The following CHMP4C variants were observed in gnomAD, a reference collection of about 807,000 sequenced individuals.
The protein encoded by CHMP4C is SNF7 homolog associated with Alix 3.
Under a neutral mutation model 29.0 loss-of-function variants are expected in CHMP4C, and 28 were observed. That is an observed-to-expected ratio of 0.97 (90% CI 0.72 to 1.32). CHMP4C has a LOEUF of 1.32. Ranked by LOEUF, CHMP4C falls within the 40% of genes most tolerant of loss-of-function variation. The probability of loss-of-function intolerance (pLI) is 0.00; values close to 1 mark genes in which losing one functional copy is unlikely to be tolerated. For synonymous variants in CHMP4C, 106 were observed against 102.4 expected (o/e 1.04, Z -0.21); for missense variants, 291 against 281.0 (o/e 1.04, Z -0.25).
Position 81,734,566 on chromosome 8 carries a change from G to A in CHMP4C, c.190+1750G>A, listed in dbSNP as rs183421254. Among the ~76,000 whole-genome samples, 41 of 152,280 alleles carry A rather than the reference G, an allele frequency of 2.7e-4. No homozygotes were observed. The East Asian group carries it at 6.6e-3, about 24-fold the overall frequency. The stretch of plus-strand genomic sequence containing the variant: ...ACTGGTCTCGAACTCCTGACCTCAG[G>A]TGATCCACCTGCCTTGGCCTCCCAA... On this transcript the variant is annotated intron_variant, in intron 1 of 4. Transcript: ENST00000297265.
intron 1 of CHMP4C, among the ~76,000 whole-genome samples, chr8:81,746,642 C>G (rs17706460): frequency 0.035 from 5,291 of 152,318 alleles, 147 homozygotes; most frequent in Non-Finnish European, 0.055. Context: ...GTTTGGGACT[C>G]TGGTTGGGCC....
intron 1 of CHMP4C, among the ~76,000 whole-genome samples, chr8:81,750,517 G>A (rs1189766806): frequency 6.6e-6 from 1 of 151,984 alleles, no homozygotes; most frequent in Non-Finnish European, 1.5e-5. Context: ...AAGGCAGGAG[G>A]ATTGCTTGAG....
intron 1 of CHMP4C, among the ~76,000 whole-genome samples, chr8:81,734,863 A>G (rs1808666973): frequency 6.6e-6 from 1 of 152,128 alleles, no homozygotes; most frequent in African/African-American, 2.4e-5. Flanking sequence ...CCTTAAATCA[A>G]GAAAGTTATA....
At chr8:81,739,425 G>GGT (rs1203850438) in intron 1 of CHMP4C, among the ~76,000 whole-genome samples, 1 of 140,150 alleles carries the variant, frequency 7.1e-6, no homozygotes, top group Non-Finnish European at 1.5e-5. Context: ...TTGTGGGGGG[G>GGT]GGTGGAAAAA....
At chr8:81,748,673 C>T (rs1808860446) in intron 1 of CHMP4C, among the ~76,000 whole-genome samples, 1 of 151,970 alleles carries the variant, frequency 6.6e-6, no homozygotes, top group Non-Finnish European at 1.5e-5. Flanking sequence ...TGTGATGGCT[C>T]ACACCTGTAA....
At chr8:81,752,527 C>T (rs978570513) in intron 1 of CHMP4C, among the ~76,000 whole-genome samples, 1 of 152,116 alleles carries the variant, frequency 6.6e-6, no homozygotes, top group Non-Finnish European at 1.5e-5. Flanking sequence ...TTAGATGTAA[C>T]CTCAATAGCC....
At chr8:81,739,424 G>GGA (rs564952493) in intron 1 of CHMP4C, among the ~76,000 whole-genome samples, 1 of 140,192 alleles carries the variant, frequency 7.1e-6, no homozygotes, top group Non-Finnish European at 1.6e-5. Flanking sequence ...ATTGTGGGGG[G>GGA]GGGTGGAAAA....
chr8:81,743,032 T>C (rs1394333770), intron 1 of CHMP4C, among the ~76,000 whole-genome samples: 1 of 151,964 alleles, frequency 6.6e-6, no homozygotes, highest in Non-Finnish European at 1.5e-5. Context: ...GAGCTATATA[T>C]TTTTTAAGAT....
At chr8:81,740,556 C>A (rs1163051400) in intron 1 of CHMP4C, among the ~76,000 whole-genome samples, 1 of 152,092 alleles carries the variant, frequency 6.6e-6, no homozygotes, top group East Asian at 1.9e-4. Context: ...AGGCATAATC[C>A]CAGTTTGACA....
chr8:81,745,656 A>G (rs1418119471), intron 1 of CHMP4C, among the ~76,000 whole-genome samples: 2 of 152,166 alleles, frequency 1.3e-5, no homozygotes, highest in Non-Finnish European at 2.9e-5. Context: ...TCCAATCCCC[A>G]ATGGGCTGCA....
intron 1 of CHMP4C, among the ~76,000 whole-genome samples, chr8:81,733,131 A>G (rs59581525): frequency 0.062 from 9,392 of 152,216 alleles, 423 homozygotes; most frequent in African/African-American, 0.13. Context: ...AATAAAGACA[A>G]GATTGGTATT....
chr8:81,738,256 A>T (rs1246453928), intron 1 of CHMP4C, among the ~76,000 whole-genome samples: 1 of 152,208 alleles, frequency 6.6e-6, no homozygotes, highest in Non-Finnish European at 1.5e-5. Flanking sequence ...AAGGGTTGAG[A>T]TGGAGAGAAA....
At chr8:81,749,103 A>G (rs1808866238) in intron 1 of CHMP4C, among the ~76,000 whole-genome samples, 1 of 152,124 alleles carries the variant, frequency 6.6e-6, no homozygotes, top group African/African-American at 2.4e-5. Flanking sequence ...AGAACAGCAA[A>G]CTAAAGCTTA....
intron 1 of CHMP4C, among the ~76,000 whole-genome samples, chr8:81,741,730 T>G (rs1207770024): frequency 6.6e-6 from 1 of 152,170 alleles, no homozygotes; most frequent in African/African-American, 2.4e-5. Context: ...ACAGATGATA[T>G]TGTTGATTTA....
intron 1 of CHMP4C, among the ~76,000 whole-genome samples, chr8:81,743,664 T>C (rs962091779): frequency 1.3e-5 from 2 of 152,188 alleles, no homozygotes; most frequent in African/African-American, 2.4e-5. Context: ...TATGCAAGCA[T>C]TTCTTCCTTT....
At chr8:81,743,492 A>G (rs1808788210) in intron 1 of CHMP4C, among the ~76,000 whole-genome samples, 1 of 152,160 alleles carries the variant, frequency 6.6e-6, no homozygotes, top group Admixed American at 6.5e-5. Context: ...TCTGACTGGT[A>G]TCAAACAATT....
At chr8:81,734,974 G>C (rs1808668900) in intron 1 of CHMP4C, among the ~76,000 whole-genome samples, 1 of 151,672 alleles carries the variant, frequency 6.6e-6, no homozygotes, top group Non-Finnish European at 1.5e-5. Flanking sequence ...GGTCACTGCA[G>C]CTTCCAACTC....
chr8:81,753,855 C>T (rs753808979), intron 2 of CHMP4C, among the ~76,000 whole-genome samples: 1 of 151,962 alleles, frequency 6.6e-6, no homozygotes, highest in Non-Finnish European at 1.5e-5. Flanking sequence ...TTACTTACCT[C>T]GTGGTTATTG....
chr8:81,734,483 A>G (rs1267525080), intron 1 of CHMP4C, among the ~76,000 whole-genome samples: 1 of 152,140 alleles, frequency 6.6e-6, no homozygotes, highest in African/African-American at 2.4e-5. Context: ...GGCATGTGCC[A>G]CCACACCCAG....
Sources: gnomAD v4.1 joint callset for allele counts (sites outside exome capture counted in the v4.1 genomes callset) on GRCh38, gnomAD v4.1.1 for gene constraint, MANE v1.5 for transcripts, NCBI Gene and HGNC (gene_info 2026-07-23, HGNC 2026-07-21) for gene names.